CBFB: variants seen among roughly 807,000 people sequenced by gnomAD.
CBFB encodes the protein core-binding factor subunit beta, also known as CBF-beta.
In CBFB, 9 loss-of-function variants were observed where a neutral mutation model predicts 30.4. The ratio of observed to expected loss-of-function variants is 0.30; its 90% CI spans 0.18 to 0.52. CBFB has a LOEUF of 0.52. Ranked by LOEUF, CBFB falls within the 20% of genes least tolerant of loss-of-function variation. CBFB has a pLI of 0.97. For missense variants in CBFB, 170 were observed against 244.0 expected (o/e 0.70, Z 2.02); for synonymous variants, 94 against 84.0 (o/e 1.12, Z -0.65).
At chr16:67,075,294 A>C (rs1301256611) in intron 4 of CBFB, among the ~76,000 whole-genome samples, 4 of 152,006 alleles carry the variant, frequency 2.6e-5, no homozygotes, top group Non-Finnish European at 5.9e-5. Flanking sequence ...CAGACAACCT[A>C]AAAGAAATTG....
At chr16:67,049,393 G>A (rs1597132303) in intron 3 of CBFB, among the ~76,000 whole-genome samples, 1 of 151,188 alleles carries the variant, frequency 6.6e-6, no homozygotes, top group Non-Finnish European at 1.5e-5. Flanking sequence ...TAGTAGAGAC[G>A]GTTTCACCAT....
Position 67,071,015 on chromosome 16 carries a change from TCA to T in CBFB, c.399+4220_399+4221del, listed in dbSNP as rs1961209021. The stretch of plus-strand genomic sequence containing the variant: ...CATCTGTTGTGATAGTTTACTACTA[TCA>T]CAATGGAGTTACATAACTCTTACCG... On this transcript the variant is annotated intron_variant, in intron 4 of 5. Coordinates refer to ENST00000412916, the MANE Select transcript of CBFB (RefSeq NM_022845.3). Among the ~76,000 whole-genome samples, 4 of 152,134 alleles carry T rather than the reference TCA, an allele frequency of 2.6e-5. No homozygotes were observed. In the South Asian group the frequency reaches 8.3e-4, roughly 31 times the overall value.
chr16:67,096,866 C>T (rs988787002), intron 5 of CBFB, among the ~76,000 whole-genome samples: 5 of 147,674 alleles, frequency 3.4e-5, no homozygotes, highest in Admixed American at 2.8e-4. Flanking sequence ...CCCAGCTACT[C>T]GGGAGGCGGA....
In CBFB at chr16:67,037,770, G is replaced by C. The variant is rs1270169570; in HGVS notation, c.282+1015G>C. Reference sequence around the variant, plus strand: ...GCAACCTCCACCTCCTGGGTTTTAAGCTATTCTCCTGCCTCAGCCTCCTGA... The same window carrying C: ...GCAACCTCCACCTCCTGGGTTTTAACCTATTCTCCTGCCTCAGCCTCCTGA... On this transcript the variant is annotated intron_variant, in intron 3 of 5. Coordinates refer to ENST00000412916, the MANE Select transcript of CBFB (RefSeq NM_022845.3). 2.7e-5 allele frequency among the ~76,000 whole-genome samples: 4 copies of C among 150,500 alleles called. No individual in the cohort carries two copies. In the East Asian group the frequency reaches 5.9e-4, roughly 22 times the overall value.
chr16:67,085,673 C>CTTTTTTTT (rs764788080), intron 5 of CBFB, among the ~76,000 whole-genome samples: 1 of 115,470 alleles, frequency 8.7e-6, no homozygotes, highest in African/African-American at 3.4e-5. Flanking sequence ...AATTTAGTAT[C>CTTTTTTTT]TTTTTTTTTT....
At chr16:67,082,550 TAAG>T (rs755442270) in intron 5 of CBFB, among the ~76,000 whole-genome samples, 6 of 152,222 alleles carry the variant, frequency 3.9e-5, no homozygotes, top group Admixed American at 6.5e-5. Flanking sequence ...TTTACTATAA[TAAG>T]GTATATTTTC....
At chr16:67,060,142 T>G (rs1960859983) in intron 3 of CBFB, among the ~76,000 whole-genome samples, 1 of 152,072 alleles carries the variant, frequency 6.6e-6, no homozygotes, top group African/African-American at 2.4e-5. Flanking sequence ...CACACCTGGC[T>G]AATTTTTTAA....
At chr16:67,050,616 ACC>A (rs1457389580) in intron 3 of CBFB, among the ~76,000 whole-genome samples, 1 of 151,966 alleles carries the variant, frequency 6.6e-6, no homozygotes, top group Non-Finnish European at 1.5e-5. Context: ...GCAATATGAG[ACC>A]CTGTCTGTAC....
intron 3 of CBFB, among the ~76,000 whole-genome samples, chr16:67,038,627 G>A (rs1292076448): frequency 6.6e-6 from 1 of 152,080 alleles, no homozygotes; most frequent in Non-Finnish European, 1.5e-5. Context: ...ATATAAGGAA[G>A]AATTTGAGAA....
chr16:67,064,495 G>A (rs879931844), intron 3 of CBFB, among the ~76,000 whole-genome samples: 6 of 152,120 alleles, frequency 3.9e-5, no homozygotes, highest in Non-Finnish European at 7.4e-5. Flanking sequence ...GTGAGCCACC[G>A]TGCCCAGCCC....
chr16:67,065,546 A>AT (rs1211056671), intron 3 of CBFB, among the ~76,000 whole-genome samples: 1 of 151,696 alleles, frequency 6.6e-6, no homozygotes, highest in African/African-American at 2.4e-5. Context: ...TTTTATTTTT[A>AT]TTTTTTTACT....
chr16:67,033,556 G>A (rs927563199), intron 2 of CBFB, among the ~76,000 whole-genome samples: 1 of 151,684 alleles, frequency 6.6e-6, no homozygotes, highest in African/African-American at 2.4e-5. Context: ...CTGGCCTCAA[G>A]TGATGTGCCT....
chr16:67,029,826 G>T lies in CBFB; in HGVS notation c.165+13G>T, dbSNP rs1312257324. ...CCGCTCGGAAATCGTAAGTCGGCTG[G>T]CCCGGGGCGCGCGCGGGTCACTTGT... On this transcript the variant is annotated intron_variant, in intron 2 of 5. Coordinates refer to ENST00000412916, the MANE Select transcript of CBFB (RefSeq NM_022845.3). 2 of 1,574,354 alleles carry T rather than the reference G, an allele frequency of 1.3e-6. No individual in the cohort carries two copies. Among genetic ancestry groups the T allele is most frequent in the African/African-American group, 1.4e-5 (1 of 70,920 alleles).
chr16:67,052,897 A>G (rs1457320366), intron 3 of CBFB, among the ~76,000 whole-genome samples: 2 of 151,946 alleles, frequency 1.3e-5, no homozygotes, highest in Non-Finnish European at 2.9e-5. Flanking sequence ...CTGGAAATCA[A>G]GGTTGCAGTG....
At chr16:67,082,127 A>T in intron 4 of CBFB, 86 bp from the exon 5 acceptor site, 1 of 1,009,080 alleles carries the variant, frequency 9.9e-7, no homozygotes, top group Non-Finnish European at 1.4e-6. Context: ...CCACTGTTTC[A>T]GGAAAAAAAA....
At chr16:67,064,829 T>C (rs1228964798) in intron 3 of CBFB, among the ~76,000 whole-genome samples, 1 of 151,444 alleles carries the variant, frequency 6.6e-6, no homozygotes, top group African/African-American at 2.5e-5. Context: ...TTTTTTGTTG[T>C]TGTTTTTTAT....
chr16:67,037,009 C>G (rs867910400), intron 3 of CBFB, among the ~76,000 whole-genome samples: 2 of 151,996 alleles, frequency 1.3e-5, no homozygotes, highest in Non-Finnish European at 2.9e-5. Context: ...AGCGATTCTC[C>G]TGCCTCAGCC....
At chr16:67,050,226 A>G (rs139745827) in intron 3 of CBFB, among the ~76,000 whole-genome samples, 3,002 of 147,752 alleles carry the variant, frequency 0.02, 97 homozygotes, top group African/African-American at 0.069. Flanking sequence ...TATATATCAC[A>G]TATTTATATG....
In CBFB at chr16:67,029,504, C is replaced by T. The variant is rs541140834; in HGVS notation, c.78+19C>T. The T allele has an allele frequency of 2.5e-6, 4 of 1,575,788 alleles. No individual in the cohort carries two copies. Among genetic ancestry groups the T allele is most frequent in the South Asian group, 1.2e-5 (1 of 86,532 alleles). On this transcript the variant is annotated intron_variant, in intron 1 of 5. Coordinates refer to ENST00000412916, the MANE Select transcript of CBFB (RefSeq NM_022845.3). ...GTGTGAGGTGAGGCAGGCGGGCGGG[C>T]GGCTAGGAGGCCGCAGCGCGCCCCG... is the stretch of plus-strand genomic sequence containing the variant.
Sources: allele counts gnomAD v4.1 joint callset (sites outside exome capture counted in the v4.1 genomes callset), GRCh38; gene constraint gnomAD v4.1.1; transcripts MANE v1.5; gene names NCBI Gene and HGNC (gene_info 2026-07-23, HGNC 2026-07-21).